MAP4: variants seen among roughly 807,000 people sequenced by gnomAD.
MAP4 encodes the protein microtubule associated protein 4.
In MAP4, 76 loss-of-function variants were observed where a neutral mutation model predicts 170.2. The observed-to-expected ratio is 0.45, with a 90% confidence interval of 0.37 to 0.54. The LOEUF is 0.54. Ranked by LOEUF, MAP4 falls within the 20% of genes least tolerant of loss-of-function variation. MAP4 has a pLI of 0.00. For missense variants in MAP4, 2,506 were observed against 2,748.0 expected, an observed-to-expected ratio of 0.91 and a Z score of 1.97; for synonymous variants, 909 against 994.5, an observed-to-expected ratio of 0.91 and a Z score of 1.62.
chr3:47,997,197 A>G (rs893494088), intron 2 of MAP4, among the ~76,000 whole-genome samples: 3 of 151,892 alleles, frequency 2.0e-5, no homozygotes, highest in Non-Finnish European at 4.4e-5. Context: ...CAGAAGAAAT[A>G]TTTTAAAAGA....
rs574289681 is a variant in MAP4 at position 48,061,781 on chromosome 3, C to T, written c.-20+26992G>A. On this transcript the variant is annotated intron_variant, in intron 1 of 18. Transcript: ENST00000360240. ...CCCCCGCCCGGCCAGCCGCCCCGTC[C>T]GGGAGGGAGGTGGGGGGCAGCCCCC... Among the ~76,000 whole-genome samples the T allele has an allele frequency of 4.5e-3, 628 of 139,766 alleles. 1 individual carries two copies. Among genetic ancestry groups the T allele is most frequent in the African/African-American group, 0.015 (572 of 37,806 alleles). 91.7% of individuals were successfully genotyped at this position (139,766 alleles called of 152,430 possible).
At chr3:48,000,193 C>T (rs1309248765) in intron 1 of MAP4, among the ~76,000 whole-genome samples, 2 of 124,666 alleles carry the variant, frequency 1.6e-5, no homozygotes, top group Admixed American at 1.0e-4. Context: ...CCAGCATGGG[C>T]GACAGAGGAA....
intron 12 of MAP4, 73 bp from the exon 13 acceptor site, chr3:47,872,173 CT>C (rs1033462943): frequency 9.0e-6 from 12 of 1,335,268 alleles, no homozygotes; most frequent in Non-Finnish European, 1.1e-5. Flanking sequence ...CAAGATGCTT[CT>C]TTTTTTGTTT....
chr3:47,900,398 A>G (rs1189267615), intron 10 of MAP4, among the ~76,000 whole-genome samples: 3 of 152,222 alleles, frequency 2.0e-5, no homozygotes, highest in African/African-American at 7.2e-5. Context: ...GCTGAGGCGA[A>G]TAATCTGATA....
intron 3 of MAP4, among the ~76,000 whole-genome samples, chr3:47,962,426 G>T (rs1291664153): frequency 2.0e-5 from 3 of 152,176 alleles, no homozygotes; most frequent in African/African-American, 4.8e-5. Flanking sequence ...TCCAAGATAT[G>T]CAATCAGCTT....
At chr3:47,869,350 C>G (rs1370120729) in intron 15 of MAP4, 23 bp from the exon 16 acceptor site, 10 of 1,497,404 alleles carry the variant, frequency 6.7e-6, no homozygotes, top group Non-Finnish European at 9.3e-6. Context: ...AAAGGGAGGG[C>G]AAATTTCAAA....
intron 1 of MAP4, among the ~76,000 whole-genome samples, chr3:48,014,888 G>C (rs543433909): frequency 6.6e-6 from 1 of 152,152 alleles, no homozygotes; most frequent in Non-Finnish European, 1.5e-5. Flanking sequence ...CCCAGAGATG[G>C]TTCTATTGAA....
At chr3:47,939,709 GTTT>G (rs10707025) in intron 3 of MAP4, among the ~76,000 whole-genome samples, 27 of 142,900 alleles carry the variant, frequency 1.9e-4, no homozygotes, top group African/African-American at 6.6e-4. Flanking sequence ...TAAAGAAATA[GTTT>G]TTTTTTTTTT....
At chr3:47,899,421 T>C (rs1423132103) in intron 10 of MAP4, among the ~76,000 whole-genome samples, 1 of 152,234 alleles carries the variant, frequency 6.6e-6, no homozygotes, top group African/African-American at 2.4e-5. Flanking sequence ...ATTACAAGTG[T>C]GAACCACCGC....
chr3:47,852,767 G>A lies in MAP4; in HGVS notation c.*167C>T. On this transcript the variant is annotated 3_prime_UTR_variant, in exon 21 of 21. Coordinates refer to ENST00000683076, the MANE Select transcript of MAP4 (RefSeq NM_001385682.1). ...GAAGGCGAGCCTAGCGGGCTGCCCA[G>A]CACGGCGCCCAAGCGCTCACTGGTC... 1 of 1,544,986 alleles carries A rather than the reference G, an allele frequency of 6.5e-7. No individual in the cohort carries two copies. Among genetic ancestry groups the A allele is most frequent in the Admixed American group, 2.0e-5 (1 of 50,874 alleles).
chr3:47,911,739 TTTC>T lies in MAP4; in HGVS notation c.2679_2681del (p.Lys894del), dbSNP rs1385868196. 1.2e-5 allele frequency: 18 copies of T among 1,535,994 alleles called. No individual in the cohort carries two copies. The African/African-American group carries it at 2.3e-4, about 20-fold the overall frequency. On this transcript the variant is annotated inframe_deletion, in exon 9 of 21. Transcript: ENST00000683076. The surrounding 1 kb of genome is among the most constrained non-coding windows in gnomAD (Gnocchi z 4.0). ...GTTTGTATTCATGTTGCTTCAGCAA[TTTC>T]TTGTCTTGGTTTTGTAGTACTGACT...
intron 4 of MAP4, among the ~76,000 whole-genome samples, chr3:47,923,068 C>A (rs1353985012): frequency 6.6e-6 from 1 of 151,576 alleles, no homozygotes; most frequent in Non-Finnish European, 1.5e-5. Flanking sequence ...GAAAAAAAAG[C>A]AAAGCTGTTC....
Position 47,875,906 on chromosome 3 carries a change from G to C in MAP4, c.5542-6C>G. Reference sequence around the variant, plus strand: ...GGTTGAGTGGTGGCCAAAGGCTTTAGGTTGATTGTTGTTTATTTTTTATTT... The same window carrying C: ...GGTTGAGTGGTGGCCAAAGGCTTTACGTTGATTGTTGTTTATTTTTTATTT... On this transcript the variant is annotated splice_polypyrimidine_tract_variant and splice_region_variant and intron_variant, in intron 11 of 20. Coordinates refer to ENST00000683076, the MANE Select transcript of MAP4 (RefSeq NM_001385682.1). 4 of 1,578,894 alleles carry C rather than the reference G, an allele frequency of 2.5e-6. No homozygotes were observed. Among genetic ancestry groups the C allele is most frequent in the Non-Finnish European group, 2.6e-6 (3 of 1,167,406 alleles).
At chr3:48,067,130 G>A (rs1255206027) in intron 1 of MAP4, among the ~76,000 whole-genome samples, 2 of 151,828 alleles carry the variant, frequency 1.3e-5, no homozygotes, top group East Asian at 1.9e-4. Context: ...GTGAGCCACC[G>A]CGCCCAGCCT....
At chr3:47,914,650 A>C (rs2100037650) in intron 8 of MAP4, among the ~76,000 whole-genome samples, 167 bp downstream of exon 8, 2 of 152,184 alleles carry the variant, frequency 1.3e-5, no homozygotes, top group South Asian at 4.1e-4. Context: ...AAGATATAAC[A>C]AGCTGACATT....
intron 3 of MAP4, among the ~76,000 whole-genome samples, chr3:47,943,006 T>G (rs1176795165): frequency 2.6e-5 from 4 of 152,014 alleles, no homozygotes; most frequent in African/African-American, 9.7e-5. Flanking sequence ...CCCAGTTACT[T>G]TGGAGGCTGA....
intron 3 of MAP4, chr3:47,975,160 TAAA>T (rs1026416740): frequency 8.6e-7 from 1 of 1,157,948 alleles, no homozygotes; most frequent in African/African-American, 1.6e-5. Flanking sequence ...AAACAAGAAA[TAAA>T]AGACATTAGA....
chr3:47,955,483 A>ACACAC (rs2100067304), intron 3 of MAP4, among the ~76,000 whole-genome samples: 1 of 143,842 alleles, frequency 7.0e-6, no homozygotes, highest in African/African-American at 2.7e-5. Context: ...CACACACACT[A>ACACAC]GTCAACTATA....
At chr3:48,001,482 T>G (rs925645101) in intron 1 of MAP4, among the ~76,000 whole-genome samples, 30 of 152,324 alleles carry the variant, frequency 2.0e-4, no homozygotes, top group Middle Eastern at 3.4e-3. Flanking sequence ...ATGATTATCT[T>G]TTCAAATTCT....
Sources: gnomAD v4.1 joint callset for allele counts (sites outside exome capture counted in the v4.1 genomes callset) on GRCh38, gnomAD v4.1.1 for gene constraint, Gnocchi (gnomAD v3.1) non-coding constraint, MANE v1.5 for transcripts, NCBI Gene and HGNC (gene_info 2026-07-23, HGNC 2026-07-21) for gene names.